OLFM3: variants seen among roughly 807,000 people sequenced by gnomAD.
OLFM3 encodes the protein olfactomedin 3.
Under a neutral mutation model 48.6 loss-of-function variants are expected in OLFM3, and 20 were observed. The ratio of observed to expected loss-of-function variants is 0.41; its 90% CI spans 0.29 to 0.60. The LOEUF is 0.60. Among genes scored for constraint, OLFM3 ranks in the 20% least tolerant of loss-of-function variants. The pLI, the probability that OLFM3 is intolerant of heterozygous loss-of-function variation, is 0.28. For missense variants in OLFM3, 437 were observed against 544.3 expected, an observed-to-expected ratio of 0.80 and a Z score of 1.96; for synonymous variants, 222 against 198.1, an observed-to-expected ratio of 1.12 and a Z score of -1.01.
At chr1:101,985,387 T>C (rs1413713225) in intron 1 of OLFM3, among the ~76,000 whole-genome samples, 3 of 152,226 alleles carry the variant, frequency 2.0e-5, no homozygotes, top group Non-Finnish European at 4.4e-5. Context: ...CAATATACAA[T>C]TTTTATTATA....
intron 1 of OLFM3, among the ~76,000 whole-genome samples, chr1:101,886,566 C>G (rs1233469382): frequency 2.6e-5 from 4 of 152,056 alleles, no homozygotes; most frequent in Non-Finnish European, 5.9e-5. Context: ...TTGGGGGAAC[C>G]AGCCCCTGGC....
In OLFM3 at chr1:101,996,848, CT is replaced by C. The variant is rs1661575699; in HGVS notation, c.-33del. On this transcript the variant is annotated 5_prime_UTR_variant, in exon 1 of 6. Coordinates refer to ENST00000370103, the MANE Select transcript of OLFM3 (RefSeq NM_058170.4). ...CTGGGTTTTTGCCCCTCTTTACTCT[CT>C]TTTATGTAGGCTCTCCACTCACTGC... 2 of 1,611,046 alleles carry C rather than the reference CT, an allele frequency of 1.2e-6. No individual in the cohort carries two copies. Among genetic ancestry groups the C allele is most frequent in the South Asian group, 1.1e-5 (1 of 90,978 alleles).
At chr1:101,922,965 C>G (rs1659147047) in intron 1 of OLFM3, among the ~76,000 whole-genome samples, 1 of 152,188 alleles carries the variant, frequency 6.6e-6, no homozygotes, top group African/African-American at 2.4e-5. Context: ...AAAGCAGTTG[C>G]TATAATTTCT....
chr1:101,821,320 A>T (rs1654597167), intron 4 of OLFM3, among the ~76,000 whole-genome samples: 1 of 152,054 alleles, frequency 6.6e-6, no homozygotes, highest in African/African-American at 2.4e-5. Flanking sequence ...GCAATTGTCT[A>T]TATACATACA....
At chr1:101,938,532 A>C (rs879836709) in intron 1 of OLFM3, among the ~76,000 whole-genome samples, 1 of 152,214 alleles carries the variant, frequency 6.6e-6, no homozygotes, top group Non-Finnish European at 1.5e-5. Context: ...AGATGGTGAC[A>C]TAATTATTGC....
intron 1 of OLFM3, among the ~76,000 whole-genome samples, chr1:101,979,190 C>A (rs1424516218): frequency 6.6e-6 from 1 of 152,072 alleles, no homozygotes; most frequent in Non-Finnish European, 1.5e-5. Flanking sequence ...GGAGTTTTGA[C>A]TAAATATTGT....
chr1:101,984,798 T>C (rs1274075448), intron 1 of OLFM3, among the ~76,000 whole-genome samples: 3 of 152,256 alleles, frequency 2.0e-5, no homozygotes, highest in Non-Finnish European at 2.9e-5. Flanking sequence ...TTCACAAGCA[T>C]AGACTTTAGC....
chr1:101,901,553 G>A (rs1037799579), intron 1 of OLFM3, among the ~76,000 whole-genome samples: 1 of 152,020 alleles, frequency 6.6e-6, no homozygotes, highest in Non-Finnish European at 1.5e-5. Flanking sequence ...TCAGCAAAAC[G>A]TAAAATGGAA....
At chr1:101,849,871 T>C (rs1377124736) in intron 1 of OLFM3, among the ~76,000 whole-genome samples, 2 of 152,144 alleles carry the variant, frequency 1.3e-5, no homozygotes, top group Non-Finnish European at 2.9e-5. Context: ...AGCATAACTT[T>C]ATGAAGAAGA....
intron 2 of OLFM3, among the ~76,000 whole-genome samples, chr1:101,834,552 A>T (rs540200200): frequency 6.6e-6 from 1 of 152,140 alleles, no homozygotes; most frequent in Non-Finnish European, 1.5e-5. Context: ...AAATACTGTG[A>T]TATCTCAGAC....
chr1:101,898,612 G>A (rs1181392455), intron 1 of OLFM3, among the ~76,000 whole-genome samples: 1 of 152,148 alleles, frequency 6.6e-6, no homozygotes, highest in Non-Finnish European at 1.5e-5. Flanking sequence ...ACTTTGAGAG[G>A]CCAAGGTGGG....
intron 1 of OLFM3, among the ~76,000 whole-genome samples, chr1:101,856,077 T>C (rs1348572739): frequency 6.6e-6 from 1 of 151,944 alleles, no homozygotes; most frequent in African/African-American, 2.4e-5. Flanking sequence ...TTCATGCAAA[T>C]AGGAGATCTG....
At chr1:101,881,288 G>A (rs1055854281) in intron 1 of OLFM3, among the ~76,000 whole-genome samples, 4 of 151,854 alleles carry the variant, frequency 2.6e-5, no homozygotes, top group African/African-American at 9.7e-5. Flanking sequence ...AAAGAAAAGA[G>A]GTTTGTGTTC....
intron 1 of OLFM3, among the ~76,000 whole-genome samples, chr1:101,843,353 T>C (rs1373141115): frequency 6.6e-6 from 1 of 152,124 alleles, no homozygotes; most frequent in African/African-American, 2.4e-5. Context: ...GTCTTCCTGG[T>C]GTGAAGCCCA....
intron 1 of OLFM3, among the ~76,000 whole-genome samples, chr1:101,895,891 G>A (rs775478406): frequency 4.0e-5 from 6 of 151,444 alleles, no homozygotes; most frequent in African/African-American, 1.2e-4. Context: ...TACTTACTCT[G>A]GTTTTTATTT....
intron 2 of OLFM3, among the ~76,000 whole-genome samples, chr1:101,831,574 C>T (rs776447483): frequency 3.9e-5 from 6 of 152,074 alleles, no homozygotes; most frequent in Non-Finnish European, 5.9e-5. Flanking sequence ...CAACAAAAAT[C>T]TGAAAACAAA....
chr1:101,860,591 C>A (rs927656860), intron 1 of OLFM3, among the ~76,000 whole-genome samples: 2 of 152,138 alleles, frequency 1.3e-5, no homozygotes, highest in Middle Eastern at 3.4e-3. Flanking sequence ...AGAATGTATA[C>A]CTTCCAGCTA....
At chr1:101,895,326 T>C (rs1402103928) in intron 1 of OLFM3, among the ~76,000 whole-genome samples, 1 of 151,956 alleles carries the variant, frequency 6.6e-6, no homozygotes, top group Non-Finnish European at 1.5e-5. Flanking sequence ...AAGTTATGCG[T>C]ATCAGCACAC....
At chr1:101,950,093 A>G (rs571353517) in intron 1 of OLFM3, among the ~76,000 whole-genome samples, 1 of 152,034 alleles carries the variant, frequency 6.6e-6, no homozygotes, top group Admixed American at 6.5e-5. Context: ...GATTCAATCT[A>G]AAATTTACTT....
Sources: gnomAD v4.1 joint callset for allele counts (sites outside exome capture counted in the v4.1 genomes callset) on GRCh38, gnomAD v4.1.1 for gene constraint, MANE v1.5 for transcripts, NCBI Gene and HGNC (gene_info 2026-07-23, HGNC 2026-07-21) for gene names.